The following LRP5 variants were observed in gnomAD, a reference collection of about 807,000 sequenced individuals.
LRP5 encodes LDL receptor related protein 5, also known as low-density lipoprotein receptor-related protein 5.
A neutral mutation model predicts 154.1 loss-of-function variants in LRP5; 62 were observed. The observed-to-expected ratio is 0.40, with a 90% CI of 0.33 to 0.50. The LOEUF (loss-of-function observed/expected upper bound fraction) is 0.50, where lower values mean the gene tolerates loss of function less well. LRP5 is among the 20% of genes least tolerant of loss of function. The pLI, the probability that LRP5 is intolerant of heterozygous loss-of-function variation, is 0.55. For missense variants in LRP5, 1,915 were observed against 2,336.7 expected (o/e 0.82, Z 3.72); for synonymous variants, 966 against 1,011.5 (o/e 0.96, Z 0.85).
intron 13 of LRP5, among the ~76,000 whole-genome samples, chr11:68,420,543 A>G (rs2153171452): frequency 6.6e-6 from 1 of 152,210 alleles, no homozygotes; most frequent in African/African-American, 2.4e-5. Context: ...TGGCTCTACT[A>G]AAAGTACAAA....
At chr11:68,416,182 G>A (rs1188979329) in intron 12 of LRP5, 146 bp from the exon 13 acceptor site, 1 of 712,562 alleles carries the variant, frequency 1.4e-6, no homozygotes, top group Non-Finnish European at 2.5e-6. Flanking sequence ...ACCCCCAAGA[G>A]ACAGCCCTGG....
At chr11:68,325,857 G>A (rs2098599350) in intron 1 of LRP5, among the ~76,000 whole-genome samples, 1 of 152,260 alleles carries the variant, frequency 6.6e-6, no homozygotes, top group African/African-American at 2.4e-5. Flanking sequence ...TCCTGAGGCT[G>A]CAGAGAGGCA....
At position 68,386,376 on chromosome 11, in the gene LRP5, C is replaced by T. The variant is rs746292760; in HGVS notation, c.1076C>T (p.Thr359Met). 9.9e-6 allele frequency: 16 copies of T among 1,613,678 alleles called. No homozygotes were observed. Among genetic ancestry groups the T allele is most frequent in the African/African-American group, 1.3e-5 (1 of 75,046 alleles). The change falls in exon 6 of 23, where the codon ACG becomes ATG. Residue 359 changes from threonine (T) to methionine (M), a missense_variant. Transcript: ENST00000294304. The surrounding 1 kb of genome is among the most constrained non-coding windows in gnomAD (Gnocchi z 7.9). ...GACCTACGGAGGATCTCGCTGGACA[C>T]GCCGGACTTCACCGACATCGTGCTG... Reference protein sequence around the residue: ...RTDLRRISLDTPDFTDIVLQV... With the variant: ...RTDLRRISLDMPDFTDIVLQV...
chr11:68,422,817 C>G (rs1034233934), intron 13 of LRP5, among the ~76,000 whole-genome samples: 1 of 150,960 alleles, frequency 6.6e-6, no homozygotes, highest in Non-Finnish European at 1.5e-5. Flanking sequence ...CCTTCCCTAC[C>G]CACCCTCACC....
At chr11:68,305,163 A>G in the LRP5 span, among the ~76,000 whole-genome samples, 1 of 152,040 alleles carries the variant, frequency 6.6e-6, no homozygotes, top group African/African-American at 2.4e-5. Flanking sequence ...GGTTTGGGTC[A>G]TGGGGGCAGA....
At chr11:68,431,657 G>A (rs1454500648) in intron 17 of LRP5, among the ~76,000 whole-genome samples, 2 of 152,176 alleles carry the variant, frequency 1.3e-5, no homozygotes, top group Non-Finnish European at 2.9e-5. Flanking sequence ...TAAGCAGAGG[G>A]GACATTTTGT....
intron 17 of LRP5, among the ~76,000 whole-genome samples, chr11:68,432,962 T>C (rs971060915): frequency 6.6e-6 from 1 of 152,220 alleles, no homozygotes; most frequent in African/African-American, 2.4e-5. Flanking sequence ...CTCCTCCCTT[T>C]CAGCGCCCTC....
At chr11:68,401,531 G>A (rs1177744178) in intron 7 of LRP5, among the ~76,000 whole-genome samples, 3 of 152,174 alleles carry the variant, frequency 2.0e-5, no homozygotes, top group East Asian at 1.9e-4. Context: ...CTTCTGTGAC[G>A]TTAGCCACTG....
At chr11:68,313,543 CTT>C (rs1359928524) in intron 1 of LRP5, among the ~76,000 whole-genome samples, 2 of 152,176 alleles carry the variant, frequency 1.3e-5, no homozygotes, top group Non-Finnish European at 2.9e-5. Flanking sequence ...TTCTCTCCAA[CTT>C]TTGGTGTTTC....
chr11:68,403,497 T>C lies in LRP5; in HGVS notation c.1599T>C (p.Asp533=). 1 of 1,614,094 alleles carries C rather than the reference T, an allele frequency of 6.2e-7. No homozygotes were observed. The highest frequency in any genetic ancestry group is 2.2e-5 in the East Asian group (1 of 44,876). The stretch of plus-strand genomic sequence containing the variant: ...CCGTCCTGCAGGTGATCAATGTTGA[T>C]GGGACGAAGAGGCGGACCCTCCTGG... The part of the protein sequence containing the change: ...KTDKIEVINV[D]GTKRRTLLED... The change falls in exon 8 of 23, where the codon GAT becomes GAC. Residue 533 remains aspartate (D), a synonymous_variant. Transcript: ENST00000294304.
chr11:68,322,126 C>T (rs529336926), intron 1 of LRP5, among the ~76,000 whole-genome samples: 13 of 152,326 alleles, frequency 8.5e-5, no homozygotes, highest in South Asian at 4.1e-4. Context: ...AGTCTGGATC[C>T]GGGCGTGGCC....
At chr11:68,383,065 A>T (rs1031424172) in intron 5 of LRP5, among the ~76,000 whole-genome samples, 1 of 151,966 alleles carries the variant, frequency 6.6e-6, no homozygotes, top group African/African-American at 2.4e-5. Context: ...TTTAGTAGAG[A>T]GGGGGTTTTA....
chr11:68,391,645 C>T (rs530202472), intron 7 of LRP5, among the ~76,000 whole-genome samples: 5 of 152,326 alleles, frequency 3.3e-5, no homozygotes, highest in East Asian at 1.9e-4. Flanking sequence ...GCCCTTCCCA[C>T]GAAAACCCTA....
chr11:68,429,467 C>T (rs1373067703), intron 16 of LRP5, 108 bp from the exon 17 acceptor site: 3 of 1,411,010 alleles, frequency 2.1e-6, no homozygotes, highest in Non-Finnish European at 1.0e-6. Context: ...GCCGGGCCTG[C>T]AGGAGGGCCA....
At chr11:68,356,844 A>G (rs1210223532) in intron 2 of LRP5, among the ~76,000 whole-genome samples, 1 of 152,030 alleles carries the variant, frequency 6.6e-6, no homozygotes, top group Non-Finnish European at 1.5e-5. Flanking sequence ...AGTGTTTAGA[A>G]CTGGACTCAT....
At chr11:68,355,753 G>C (rs2098622635) in intron 2 of LRP5, among the ~76,000 whole-genome samples, 2 of 152,174 alleles carry the variant, frequency 1.3e-5, no homozygotes, top group Non-Finnish European at 2.9e-5. Context: ...CTTGTCTCTT[G>C]GGAACATGGA....
intron 2 of LRP5, among the ~76,000 whole-genome samples, chr11:68,350,754 G>A (rs1422797155): frequency 6.6e-6 from 1 of 152,254 alleles, no homozygotes; most frequent in East Asian, 1.9e-4. Context: ...TTTGATCTGT[G>A]TGGTGACTTA....
chr11:68,312,696 C>A lies in LRP5; in HGVS notation c.-19C>A. The A allele has an allele frequency of 1.0e-6, 1 of 998,844 alleles. No individual in the cohort carries two copies. The highest frequency in any genetic ancestry group is 1.2e-6 in the Non-Finnish European group (1 of 837,926). The allele number at this position is 998,844 out of a possible 1,614,324, so 61.9% of individuals were successfully genotyped here. On this transcript the variant is annotated 5_prime_UTR_variant, in exon 1 of 23. Transcript: ENST00000294304. ...AGCCCGAGTGAGCGCGGCGCGGGCC[C>A]GTCCGGCCGCCGGACAACATGGAGG...
At chr11:68,421,818 T>C (rs2098665973) in intron 13 of LRP5, among the ~76,000 whole-genome samples, 1 of 149,798 alleles carries the variant, frequency 6.7e-6, no homozygotes, top group Admixed American at 6.7e-5. Flanking sequence ...TGTGTGCGCG[T>C]GTGTGTGGTG....
Sources: allele counts gnomAD v4.1 joint callset (sites outside exome capture counted in the v4.1 genomes callset), GRCh38; gene constraint gnomAD v4.1.1; non-coding constraint Gnocchi (gnomAD v3.1); transcripts MANE v1.5; gene names NCBI Gene and HGNC (gene_info 2026-07-23, HGNC 2026-07-21).